The following ABCG1 variants were observed in gnomAD, a reference collection of about 807,000 sequenced individuals.
ABCG1 encodes ATP-binding cassette sub-family G member 1.
In ABCG1, 29 loss-of-function variants were observed where a neutral mutation model predicts 69.2. The ratio of observed to expected loss-of-function variants is 0.42; its 90% confidence interval spans 0.31 to 0.57. The LOEUF is 0.57. Ranked by LOEUF, ABCG1 falls within the 20% of genes least tolerant of loss-of-function variation. The probability of loss-of-function intolerance (pLI) is 0.15; values close to 1 mark genes in which losing one functional copy is unlikely to be tolerated. For synonymous variants in ABCG1, 370 were observed against 374.8 expected (o/e 0.99, Z 0.15); for missense variants, 718 against 898.1 (o/e 0.80, Z 2.56).
At position 42,291,417 on chromosome 21, in the gene ABCG1, G is replaced by C; in HGVS notation, c.1495-81G>C. 1.9e-6 allele frequency: 3 copies of C among 1,543,576 alleles called. No homozygotes were observed. Among genetic ancestry groups the C allele is most frequent in the South Asian group, 1.2e-5 (1 of 81,594 alleles). On this transcript the variant is annotated intron_variant, in intron 12 of 14. Coordinates refer to ENST00000398449, the MANE Select transcript of ABCG1 (RefSeq NM_016818.3). This position sits in a 1 kb window ranked among gnomAD's most constrained non-coding sequence, Gnocchi z 6.4. ...GCTCTGGCGGGAGCTGCGGGGAAGG[G>C]CTGGCTGCCCAGGAGCTTTGCTGTT...
At chr21:42,262,395 C>T (rs1424410343) in intron 2 of ABCG1, among the ~76,000 whole-genome samples, 1 of 152,126 alleles carries the variant, frequency 6.6e-6, no homozygotes, top group Admixed American at 6.5e-5. Context: ...GGAATTCTTA[C>T]GGCCGTAGAT....
chr21:42,200,006 T>C (rs1287743624), intron 1 of ABCG1, among the ~76,000 whole-genome samples: 1 of 152,240 alleles, frequency 6.6e-6, no homozygotes, highest in Non-Finnish European at 1.5e-5. Flanking sequence ...ATGTAAAGTA[T>C]CTGTGACCTA....
At chr21:42,240,749 GA>G (rs2068039528) in intron 2 of ABCG1, among the ~76,000 whole-genome samples, 1 of 152,242 alleles carries the variant, frequency 6.6e-6, no homozygotes, top group Non-Finnish European at 1.5e-5. Flanking sequence ...CACCCAGCCA[GA>G]AAGTTAATTT....
At chr21:42,264,475 A>G (rs225390) in intron 2 of ABCG1, among the ~76,000 whole-genome samples, 106,640 of 151,690 alleles carry the variant, frequency 0.7, 38,257 homozygotes, top group African/African-American at 0.85. Flanking sequence ...CTATTCATCC[A>G]TCTGTCCATC....
intron 1 of ABCG1, chr21:42,220,078 C>A: frequency 6.5e-7 from 1 of 1,534,266 alleles, no homozygotes; most frequent in African/African-American, 1.4e-5. Flanking sequence ...GGTCAGGAAT[C>A]TCCCTTTCTG....
intron 2 of ABCG1, among the ~76,000 whole-genome samples, chr21:42,230,477 T>G (rs1011724027): frequency 1.3e-5 from 2 of 152,224 alleles, no homozygotes; most frequent in African/African-American, 4.8e-5. Context: ...GTGATCTGGT[T>G]TATTTGTTCC....
chr21:42,207,638 G>A (rs985369824), intron 2 of ABCG1, among the ~76,000 whole-genome samples: 9 of 152,180 alleles, frequency 5.9e-5, no homozygotes, highest in Non-Finnish European at 1.0e-4. Context: ...ACGGGGGCAC[G>A]GCACTGCCAC....
chr21:42,210,998 T>C (rs111713461), intron 2 of ABCG1, among the ~76,000 whole-genome samples: 5,036 of 150,564 alleles, frequency 0.033, 302 homozygotes, highest in African/African-American at 0.12. Context: ...CTCCCTCTGT[T>C]GCCCAGGCTG....
intron 2 of ABCG1, among the ~76,000 whole-genome samples, chr21:42,227,552 T>C (rs1417467944): frequency 6.6e-6 from 1 of 152,190 alleles, no homozygotes; most frequent in Non-Finnish European, 1.5e-5. Context: ...AATGCAGAAA[T>C]GAAGACATCT....
chr21:42,242,110 A>C (rs1195293517), intron 2 of ABCG1, among the ~76,000 whole-genome samples: 1 of 152,208 alleles, frequency 6.6e-6, no homozygotes, highest in African/African-American at 2.4e-5. Flanking sequence ...AGTAGACTCC[A>C]GTACATTTTA....
chr21:42,285,912 C>T lies in ABCG1; in HGVS notation c.891C>T (p.Tyr297=). 1 of 1,613,980 alleles carries T rather than the reference C, an allele frequency of 6.2e-7. No homozygotes were observed. Among genetic ancestry groups the T allele is most frequent in the Non-Finnish European group, 8.5e-7 (1 of 1,179,978 alleles). The change falls in exon 8 of 15, where the codon TAC becomes TAT. Residue 297 remains tyrosine, a synonymous_variant. Transcript: ENST00000398449. Reference sequence around the variant, plus strand: ...TCCTGAGTCAAGGACAATGTGTGTACCGGGGAAAAGTCTGCAATCTTGTGC... The same window carrying T: ...TCCTGAGTCAAGGACAATGTGTGTATCGGGGAAAAGTCTGCAATCTTGTGC... ...LYVLSQGQCV[Y]RGKVCNLVPY...
chr21:42,231,330 C>T (rs574100061), intron 2 of ABCG1, among the ~76,000 whole-genome samples: 7 of 152,326 alleles, frequency 4.6e-5, no homozygotes, highest in East Asian at 1.9e-4. Context: ...GCAGTCAGGC[C>T]GTGGCCTCCA....
chr21:42,237,345 A>T (rs922725863), intron 2 of ABCG1, among the ~76,000 whole-genome samples: 4 of 152,200 alleles, frequency 2.6e-5, no homozygotes, highest in African/African-American at 9.6e-5. Context: ...CTGAACTGCC[A>T]GTCATTCTAG....
intron 2 of ABCG1, among the ~76,000 whole-genome samples, chr21:42,206,351 A>AAAATAAATAAATAAATAAAT (rs79957854): frequency 6.7e-6 from 1 of 149,036 alleles, no homozygotes; most frequent in African/African-American, 2.5e-5. Context: ...CTCTGTCTCA[A>AAAATAAATAAATAAATAAAT]AAATAAATAA....
Position 42,259,194 on chromosome 21 carries a change from T to C in ABCG1, c.287-11876T>C. 2.8e-6 allele frequency: 4 copies of C among 1,412,680 alleles called. No individual in the cohort carries two copies. The South Asian group carries it at 6.2e-5, about 22-fold the overall frequency. 87.5% of individuals were successfully genotyped at this position (1,412,680 alleles called of 1,614,324 possible). A position where few individuals can be genotyped will look rare whatever the true frequency, so the allele number is the denominator to read the frequency against. On this transcript the variant is annotated intron_variant, in intron 2 of 14. Coordinates refer to ENST00000398449, the MANE Select transcript of ABCG1 (RefSeq NM_016818.3). ...TTGGTGTGAGAGAGACGACATTGCG[T>C]TCCCAGATGTCGCTGGTGCTGGGCT...
chr21:42,282,539 C>A, intron 6 of ABCG1, 120 bp downstream of exon 6: 1 of 1,221,204 alleles, frequency 8.2e-7, no homozygotes, highest in Non-Finnish European at 1.1e-6. Context: ...TGAGCTCACC[C>A]GGCGGTTCCT....
At chr21:42,278,522 AGAG>A (rs1221563267) in intron 5 of ABCG1, among the ~76,000 whole-genome samples, 2 of 152,156 alleles carry the variant, frequency 1.3e-5, no homozygotes, top group Non-Finnish European at 2.9e-5. Context: ...TAAGAAGAGG[AGAG>A]GAGGACCCAG....
chr21:42,201,477 C>A, intron 1 of ABCG1: 2 of 730,134 alleles, frequency 2.7e-6, no homozygotes, highest in South Asian at 1.8e-5. Flanking sequence ...GACTGGTCTG[C>A]AGCCCAGGGG....
chr21:42,224,979 A>G (rs1205960615), intron 1 of ABCG1, among the ~76,000 whole-genome samples: 2 of 151,796 alleles, frequency 1.3e-5, no homozygotes, highest in Admixed American at 1.3e-4. Context: ...TTCTGGGATA[A>G]CTTCTGCTAC....
Sources: gnomAD v4.1 joint callset for allele counts (sites outside exome capture counted in the v4.1 genomes callset) on GRCh38, gnomAD v4.1.1 for gene constraint, Gnocchi (gnomAD v3.1) non-coding constraint, MANE v1.5 for transcripts, NCBI Gene and HGNC (gene_info 2026-07-23, HGNC 2026-07-21) for gene names.